Variants in BRINP3 observed in about 807,000 individuals in gnomAD.
The protein encoded by BRINP3 is BMP/retinoic acid-inducible neural-specific protein 3.
In BRINP3, 19 loss-of-function variants were observed where a neutral mutation model predicts 71.0. The ratio of observed to expected loss-of-function variants is 0.27; its 90% CI spans 0.19 to 0.39. The LOEUF is 0.39. BRINP3 is among the 10% of genes least tolerant of loss of function. The pLI is 1.00. For missense variants in BRINP3, 959 were observed against 940.8 expected (o/e 1.02, Z -0.25); for synonymous variants, 380 against 337.7 (o/e 1.13, Z -1.37).
intron 2 of BRINP3, among the ~76,000 whole-genome samples, chr1:190,343,756 T>A (rs1204062979): frequency 6.6e-6 from 1 of 151,614 alleles, no homozygotes; most frequent in East Asian, 1.9e-4. Context: ...TCAATTACAC[T>A]AATAAGGACA....
At chr1:190,329,034 G>A (rs1252733948) in intron 2 of BRINP3, among the ~76,000 whole-genome samples, 1 of 151,910 alleles carries the variant, frequency 6.6e-6, no homozygotes, top group Non-Finnish European at 1.5e-5. Flanking sequence ...GAAATAATAA[G>A]AGCCATACGT....
intron 2 of BRINP3, among the ~76,000 whole-genome samples, chr1:190,403,693 AAG>A (rs1672085067): frequency 6.6e-6 from 1 of 152,190 alleles, no homozygotes; most frequent in African/African-American, 2.4e-5. Flanking sequence ...GAGAAAATGA[AAG>A]AGCGACTTTG....
chr1:190,213,540 A>G (rs760234892), intron 6 of BRINP3, among the ~76,000 whole-genome samples: 1 of 152,108 alleles, frequency 6.6e-6, no homozygotes, highest in African/African-American at 2.4e-5. Context: ...CTCAACTGCC[A>G]GTAATAAAAT....
chr1:190,171,192 C>T (rs1005085039), intron 6 of BRINP3, among the ~76,000 whole-genome samples: 1 of 152,070 alleles, frequency 6.6e-6, no homozygotes, highest in Non-Finnish European at 1.5e-5. Flanking sequence ...CCCATAGTTC[C>T]CTGTTTCTTT....
intron 7 of BRINP3, among the ~76,000 whole-genome samples, chr1:190,123,697 A>G (rs1653866100): frequency 6.6e-6 from 1 of 152,176 alleles, no homozygotes; most frequent in Non-Finnish European, 1.5e-5. Context: ...TCCTAAATGA[A>G]TAACCATATC....
chr1:190,137,040 T>C (rs771106942), intron 7 of BRINP3, among the ~76,000 whole-genome samples: 1 of 152,112 alleles, frequency 6.6e-6, no homozygotes, highest in Non-Finnish European at 1.5e-5. Flanking sequence ...GTTCCCCAAT[T>C]TACAGATAAA....
At chr1:190,353,662 T>C (rs1167326674) in intron 2 of BRINP3, among the ~76,000 whole-genome samples, 1 of 151,962 alleles carries the variant, frequency 6.6e-6, no homozygotes, top group Non-Finnish European at 1.5e-5. Flanking sequence ...CATTTCTCTC[T>C]CTTTAAAAAG....
chr1:190,429,883 C>T (rs748600346), intron 2 of BRINP3, among the ~76,000 whole-genome samples: 3 of 152,068 alleles, frequency 2.0e-5, no homozygotes, highest in Non-Finnish European at 2.9e-5. Context: ...TGTGAGTCAA[C>T]GCCCAGCCAA....
intron 7 of BRINP3, among the ~76,000 whole-genome samples, chr1:190,106,182 A>T (rs1056110201): frequency 6.6e-6 from 1 of 151,816 alleles, no homozygotes; most frequent in Non-Finnish European, 1.5e-5. Context: ...TCACCCCCCC[A>T]TAATATTCAT....
intron 4 of BRINP3, among the ~76,000 whole-genome samples, chr1:190,239,655 CAAT>C (rs1658865266): frequency 6.6e-6 from 1 of 151,952 alleles, no homozygotes; most frequent in South Asian, 2.1e-4. Context: ...TATTTGCTAA[CAAT>C]AATTGGTTAA....
At chr1:190,114,277 T>C (rs1557978492) in intron 7 of BRINP3, among the ~76,000 whole-genome samples, 1 of 152,142 alleles carries the variant, frequency 6.6e-6, no homozygotes, top group Admixed American at 6.5e-5. Context: ...GTAGAGCAGT[T>C]GCCAGTACTA....
At chr1:190,472,196 T>A in intron 1 of BRINP3, among the ~76,000 whole-genome samples, 1 of 151,632 alleles carries the variant, frequency 6.6e-6, no homozygotes, top group East Asian at 1.9e-4. Flanking sequence ...GTAGGCATTG[T>A]TTCCTCCATG....
At chr1:190,288,040 CT>C (rs1189845639) in intron 2 of BRINP3, among the ~76,000 whole-genome samples, 1 of 151,962 alleles carries the variant, frequency 6.6e-6, no homozygotes, top group Non-Finnish European at 1.5e-5. Flanking sequence ...TTAGCAAAAG[CT>C]TTCTGTAAAA....
intron 2 of BRINP3, among the ~76,000 whole-genome samples, chr1:190,419,401 A>C (rs1673215479): frequency 6.6e-6 from 1 of 152,078 alleles, no homozygotes; most frequent in African/African-American, 2.4e-5. Context: ...ATTATTGGTC[A>C]CATTTATCAA....
chr1:190,338,469 G>T (rs1013254808), intron 2 of BRINP3, among the ~76,000 whole-genome samples: 1 of 152,020 alleles, frequency 6.6e-6, no homozygotes, highest in Non-Finnish European at 1.5e-5. Flanking sequence ...CTATTGTCCA[G>T]AGGAGAAAAT....
chr1:190,417,590 T>G (rs946968784), intron 2 of BRINP3, among the ~76,000 whole-genome samples: 1 of 152,150 alleles, frequency 6.6e-6, no homozygotes, highest in African/African-American at 2.4e-5. Flanking sequence ...ACCAACATAC[T>G]TGATACAAAC....
chr1:190,197,292 C>T (rs903705392), intron 6 of BRINP3, among the ~76,000 whole-genome samples: 6 of 152,204 alleles, frequency 3.9e-5, no homozygotes, highest in Middle Eastern at 3.4e-3. Flanking sequence ...CCAAACCATA[C>T]CATTTCAGCA....
intron 2 of BRINP3, among the ~76,000 whole-genome samples, chr1:190,372,464 G>A (rs146309625): frequency 6.6e-6 from 1 of 152,250 alleles, no homozygotes; most frequent in African/African-American, 2.4e-5. Context: ...TGATGCTCAG[G>A]TTACAACCCC....
intron 6 of BRINP3, among the ~76,000 whole-genome samples, chr1:190,164,733 T>A (rs951079914): frequency 1.3e-5 from 2 of 151,914 alleles, no homozygotes; most frequent in Non-Finnish European, 2.9e-5. Context: ...TAGGATTACA[T>A]GCCTAGCTAA....
Sources: gnomAD v4.1 joint callset for allele counts (sites outside exome capture counted in the v4.1 genomes callset) on GRCh38, gnomAD v4.1.1 for gene constraint, MANE v1.5 for transcripts, NCBI Gene and HGNC (gene_info 2026-07-23, HGNC 2026-07-21) for gene names.